The following SH3RF3 variants were observed in gnomAD, a reference collection of about 807,000 sequenced individuals.
The protein encoded by SH3RF3 is SH3 domain containing ring finger 3.
Under a neutral mutation model 66.3 loss-of-function variants are expected in SH3RF3, and 29 were observed. The observed-to-expected ratio is 0.44, with a 90% CI of 0.33 to 0.60. The LOEUF is 0.60. Among genes scored for constraint, SH3RF3 ranks in the 20% least tolerant of loss-of-function variants. SH3RF3 has a pLI of 0.04. For synonymous variants in SH3RF3, 583 were observed against 532.0 expected (o/e 1.10, Z -1.32); for missense variants, 1,194 against 1,190.9 (o/e 1.00, Z -0.04).
At chr2:109,485,680 G>C (rs111418125) in intron 8 of SH3RF3, among the ~76,000 whole-genome samples, 1,633 of 152,334 alleles carry the variant, frequency 0.011, 22 homozygotes, top group South Asian at 0.054. Flanking sequence ...CTTTAAAGTG[G>C]AGTACCACTT....
chr2:109,368,343 G>C (rs765586698), intron 2 of SH3RF3, among the ~76,000 whole-genome samples: 1 of 152,112 alleles, frequency 6.6e-6, no homozygotes, highest in African/African-American at 2.4e-5. Flanking sequence ...CCCAGTTCAA[G>C]ATTAAACATC....
intron 5 of SH3RF3, among the ~76,000 whole-genome samples, chr2:109,431,102 C>T (rs1427541322): frequency 1.3e-5 from 2 of 152,220 alleles, no homozygotes; most frequent in African/African-American, 2.4e-5. Flanking sequence ...CTTGAGCCCT[C>T]GTGAGCTGCA....
At chr2:109,230,772 A>C (rs946178692) in intron 1 of SH3RF3, among the ~76,000 whole-genome samples, 32 of 152,228 alleles carry the variant, frequency 2.1e-4, no homozygotes, top group Admixed American at 3.9e-4. Flanking sequence ...TTGTCTGGAC[A>C]TGACCCTATC....
At chr2:109,174,011 C>T (rs1219185381) in intron 1 of SH3RF3, among the ~76,000 whole-genome samples, 4 of 152,242 alleles carry the variant, frequency 2.6e-5, no homozygotes, top group South Asian at 2.1e-4. Context: ...GCACTGGGCT[C>T]AGTCCTTGAT....
At chr2:109,468,143 C>T (rs1320720298) in intron 8 of SH3RF3, among the ~76,000 whole-genome samples, 1 of 152,206 alleles carries the variant, frequency 6.6e-6, no homozygotes, top group Non-Finnish European at 1.5e-5. Flanking sequence ...GTGATTTTGT[C>T]TTGTGAACAT....
intron 3 of SH3RF3, among the ~76,000 whole-genome samples, chr2:109,385,258 C>T (rs1012212217): frequency 7.2e-5 from 11 of 152,186 alleles, no homozygotes; most frequent in African/African-American, 2.7e-4. Flanking sequence ...AAATTGGAGA[C>T]ATAGTGAAGT....
At chr2:109,300,330 C>G (rs193061997) in intron 1 of SH3RF3, among the ~76,000 whole-genome samples, 6 of 152,144 alleles carry the variant, frequency 3.9e-5, no homozygotes, top group African/African-American at 7.2e-5. Context: ...TAGTCGCACG[C>G]CACCATGTCT....
At chr2:109,272,237 C>G (rs1680644175) in intron 1 of SH3RF3, among the ~76,000 whole-genome samples, 3 of 152,236 alleles carry the variant, frequency 2.0e-5, no homozygotes, top group Non-Finnish European at 4.4e-5. Flanking sequence ...TAAGCTGCTT[C>G]TTGCTTGTCT....
chr2:109,228,018 C>G lies in SH3RF3; in HGVS notation c.573+97905C>G, dbSNP rs114016841. Among the ~76,000 whole-genome samples the G allele has an allele frequency of 8.7e-4, 133 of 152,038 alleles. 1 individual carries two copies. Among genetic ancestry groups the G allele is most frequent in the African/African-American group, 3.1e-3 (128 of 41,490 alleles). The stretch of plus-strand genomic sequence containing the variant: ...GGGTAGGAAAGAGTGGGGAATAGTT[C>G]AGTGTTTTCCTTTATTTGTAGGAAA... On this transcript the variant is annotated intron_variant, in intron 1 of 9. Transcript: ENST00000309415.
intron 1 of SH3RF3, among the ~76,000 whole-genome samples, chr2:109,277,728 T>C (rs1387216021): frequency 6.6e-6 from 1 of 152,222 alleles, no homozygotes; most frequent in East Asian, 1.9e-4. Flanking sequence ...ACAAGATCAT[T>C]ACCACAAGCG....
chr2:109,199,627 T>TCAACCCGA (rs1574499886), intron 1 of SH3RF3, among the ~76,000 whole-genome samples: 1 of 94 alleles, frequency 0.011, no homozygotes. Context: ...TGGAATGGAA[T>TCAACCCGA]GGAATGGAAT....
chr2:109,355,947 G>C (rs139119237), intron 2 of SH3RF3, among the ~76,000 whole-genome samples: 1 of 152,308 alleles, frequency 6.6e-6, no homozygotes. Flanking sequence ...GCCATGAAAA[G>C]TTGCCATTGT....
At chr2:109,176,686 A>G (rs1677923653) in intron 1 of SH3RF3, among the ~76,000 whole-genome samples, 1 of 152,160 alleles carries the variant, frequency 6.6e-6, no homozygotes, top group Non-Finnish European at 1.5e-5. Context: ...TCAGTGAGCT[A>G]TGATGGTGTC....
chr2:109,219,169 G>T (rs914500827), intron 1 of SH3RF3, among the ~76,000 whole-genome samples: 12 of 152,196 alleles, frequency 7.9e-5, no homozygotes, highest in Non-Finnish European at 1.6e-4. Flanking sequence ...AGGATAGAGG[G>T]GCTACCGCCT....
chr2:109,343,694 G>A lies in SH3RF3; in HGVS notation c.574-3980G>A, dbSNP rs146471501. Among the ~76,000 whole-genome samples the A allele has an allele frequency of 1.0e-3, 155 of 151,630 alleles. No homozygotes were observed. In the East Asian group the frequency reaches 0.025, roughly 24 times the overall value. On this transcript the variant is annotated intron_variant, in intron 1 of 9. Coordinates refer to ENST00000309415, the MANE Select transcript of SH3RF3 (RefSeq NM_001099289.3). ...ACCACCTGTGGAGAGGTGGCCAGGC[G>A]TACAATCTCCAGTCTGCCCCTGCTT...
intron 1 of SH3RF3, among the ~76,000 whole-genome samples, chr2:109,314,924 C>T (rs767035327): frequency 3.9e-5 from 6 of 152,204 alleles, no homozygotes; most frequent in Non-Finnish European, 1.5e-5. Context: ...AAAGAAACTT[C>T]GTCTCCCCGT....
At chr2:109,492,932 G>T (rs1679166726) in intron 9 of SH3RF3, among the ~76,000 whole-genome samples, 1 of 152,046 alleles carries the variant, frequency 6.6e-6, no homozygotes, top group South Asian at 2.1e-4. Flanking sequence ...CCCACAGGGA[G>T]AAGTGCCTTC....
At chr2:109,217,391 T>A (rs1679124096) in intron 1 of SH3RF3, among the ~76,000 whole-genome samples, 1 of 152,274 alleles carries the variant, frequency 6.6e-6, no homozygotes, top group African/African-American at 2.4e-5. Context: ...AATTCCCATC[T>A]GAACATCACC....
At chr2:109,304,328 AGATCATGTG>A (rs796705033) in intron 1 of SH3RF3, among the ~76,000 whole-genome samples, 16 of 152,224 alleles carry the variant, frequency 1.1e-4, no homozygotes, top group African/African-American at 3.9e-4. Flanking sequence ...CATATAAGTG[AGATCATGTG>A]GTATTTGTTT....
Sources: allele counts gnomAD v4.1 joint callset (sites outside exome capture counted in the v4.1 genomes callset), GRCh38; gene constraint gnomAD v4.1.1; transcripts MANE v1.5; gene names NCBI Gene and HGNC (gene_info 2026-07-23, HGNC 2026-07-21).